The following KAZN variants were observed in gnomAD, a reference collection of about 807,000 sequenced individuals.
KAZN encodes the protein kazrin.
Under a neutral mutation model 87.4 loss-of-function variants are expected in KAZN, and 40 were observed. The ratio of observed to expected loss-of-function variants is 0.46; its 90% CI spans 0.36 to 0.60. KAZN has a LOEUF of 0.60. KAZN is among the 20% of genes least tolerant of loss of function. The probability of loss-of-function intolerance (pLI) is 0.00; values close to 1 mark genes in which losing one functional copy is unlikely to be tolerated. For synonymous variants in KAZN, 466 were observed against 458.3 expected (o/e 1.02, Z -0.22); for missense variants, 898 against 1,073.9 (o/e 0.84, Z 2.29).
intron 1 of KAZN, among the ~76,000 whole-genome samples, chr1:14,099,597 G>A (rs2101640309): frequency 6.6e-6 from 1 of 152,274 alleles, no homozygotes; most frequent in Middle Eastern, 3.4e-3. Flanking sequence ...TGCCTTGAGA[G>A]ATATGAAACT....
intron 1 of KAZN, among the ~76,000 whole-genome samples, chr1:14,641,981 A>T (rs959281970): frequency 6.6e-6 from 1 of 152,272 alleles, no homozygotes; most frequent in Non-Finnish European, 1.5e-5. Flanking sequence ...CAAGAAGACA[A>T]GTCCATTTTA....
chr1:14,737,975 G>A (rs139393587), intron 1 of KAZN, among the ~76,000 whole-genome samples: 37 of 152,258 alleles, frequency 2.4e-4, no homozygotes, highest in African/African-American at 6.7e-4. Flanking sequence ...GAATAGAAGC[G>A]AAATCCCATC....
intron 2 of KAZN, among the ~76,000 whole-genome samples, chr1:14,226,847 G>A (rs1346951375): frequency 3.8e-5 from 4 of 105,604 alleles, no homozygotes; most frequent in African/African-American, 1.2e-4. Context: ...GCTAAACATC[G>A]TGTACGCATG....
chr1:15,004,403 C>T (rs537760274), intron 2 of KAZN, among the ~76,000 whole-genome samples: 1 of 152,314 alleles, frequency 6.6e-6, no homozygotes, highest in South Asian at 2.1e-4. Context: ...AGAAAGAATA[C>T]TCCAGAGTCT....
At chr1:14,814,371 A>C (rs975308915) in intron 1 of KAZN, among the ~76,000 whole-genome samples, 3 of 152,022 alleles carry the variant, frequency 2.0e-5, no homozygotes, top group African/African-American at 7.2e-5. Context: ...CCACGCCACC[A>C]AGCACAGCTA....
At chr1:14,574,034 T>C (rs1675030517) in intron 2 of KAZN, among the ~76,000 whole-genome samples, 1 of 152,158 alleles carries the variant, frequency 6.6e-6, no homozygotes, top group Non-Finnish European at 1.5e-5. Context: ...AGCAGTGATT[T>C]CATGACATAA....
At chr1:14,126,357 C>A (rs114912794) in intron 1 of KAZN, among the ~76,000 whole-genome samples, 1 of 34,210 alleles carries the variant, frequency 2.9e-5, no homozygotes, top group Non-Finnish European at 4.5e-5. Context: ...CTCCCCTCCC[C>A]CCCCCCGTCA....
chr1:15,060,840 A>G (rs965645871), intron 6 of KAZN: 1 of 154,724 alleles, frequency 6.5e-6, no homozygotes, highest in African/African-American at 2.4e-5. Context: ...GCTCTTGATG[A>G]CTAGTGGGGC....
At chr1:14,317,235 G>A (rs1655710967) in intron 2 of KAZN, among the ~76,000 whole-genome samples, 1 of 151,732 alleles carries the variant, frequency 6.6e-6, no homozygotes, top group African/African-American at 2.4e-5. Context: ...GGGTTGTTAT[G>A]GCCTCTTGAT....
intron 1 of KAZN, among the ~76,000 whole-genome samples, chr1:14,904,316 A>AAG (rs1435283063): frequency 2.0e-5 from 3 of 151,676 alleles, no homozygotes; most frequent in African/African-American, 7.3e-5. Context: ...AAAGAAAAAA[A>AAG]AAAAAAAAAA....
At chr1:14,544,230 G>A (rs1672983979) in intron 2 of KAZN, among the ~76,000 whole-genome samples, 1 of 151,324 alleles carries the variant, frequency 6.6e-6, no homozygotes, top group Non-Finnish European at 1.5e-5. Flanking sequence ...TCTGAGTTGG[G>A]GGATTTTTTT....
At chr1:14,843,799 T>G (rs1476729709) in intron 1 of KAZN, among the ~76,000 whole-genome samples, 1 of 152,240 alleles carries the variant, frequency 6.6e-6, no homozygotes, top group Non-Finnish European at 1.5e-5. Flanking sequence ...TTGTCTTTTC[T>G]GCTAATCTTG....
At chr1:14,496,834 C>T (rs1340387952) in intron 2 of KAZN, among the ~76,000 whole-genome samples, 1 of 150,908 alleles carries the variant, frequency 6.6e-6, no homozygotes, top group African/African-American at 2.4e-5. Context: ...ATTTGAAAGG[C>T]TTACCAAAAA....
At chr1:13,935,089 T>TAG (rs58871449) in intron 1 of KAZN, among the ~76,000 whole-genome samples, 4,645 of 151,656 alleles carry the variant, frequency 0.031, 214 homozygotes, top group African/African-American at 0.11. Flanking sequence ...ATAGAAAAAT[T>TAG]AGCCAGGTGT....
At chr1:14,557,029 T>C (rs1370297711) in intron 2 of KAZN, among the ~76,000 whole-genome samples, 2 of 152,070 alleles carry the variant, frequency 1.3e-5, no homozygotes, top group East Asian at 3.9e-4. Context: ...TGCCTGAGTC[T>C]ACAAATAATC....
intron 1 of KAZN, among the ~76,000 whole-genome samples, chr1:13,894,904 G>C (rs969106829): frequency 6.6e-6 from 1 of 152,210 alleles, no homozygotes; most frequent in African/African-American, 2.4e-5. Flanking sequence ...GCAGCTCGTG[G>C]AGTGGGTGAG....
In KAZN at chr1:14,908,521, G is replaced by A. The variant is rs764346612; in HGVS notation, c.227-52163G>A. On this transcript the variant is annotated intron_variant, in intron 1 of 14. Transcript: ENST00000376030. ...CACGCCACTGCACTCCAGTCTGAGC[G>A]ACAGAGTGAAACCCTGTTTCAAAAA... is the stretch of plus-strand genomic sequence containing the variant. 3.3e-5 allele frequency among the ~76,000 whole-genome samples: 5 copies of A among 152,154 alleles called. No individual in the cohort carries two copies. In the South Asian group the frequency reaches 6.2e-4, roughly 19 times the overall value.
At chr1:14,350,338 A>G (rs984952280) in intron 2 of KAZN, among the ~76,000 whole-genome samples, 4 of 152,142 alleles carry the variant, frequency 2.6e-5, no homozygotes, top group Admixed American at 1.3e-4. Flanking sequence ...ACAATGATGA[A>G]AAGATTGCCT....
intron 1 of KAZN, among the ~76,000 whole-genome samples, chr1:14,884,136 G>C (rs987375671): frequency 6.6e-6 from 1 of 152,190 alleles, no homozygotes; most frequent in African/African-American, 2.4e-5. Context: ...GCTCACACCT[G>C]TAATCCCAGC....
Sources: allele counts gnomAD v4.1 joint callset (sites outside exome capture counted in the v4.1 genomes callset), GRCh38; gene constraint gnomAD v4.1.1; transcripts MANE v1.5; gene names NCBI Gene and HGNC (gene_info 2026-07-23, HGNC 2026-07-21).